DNAJA4: variants seen among roughly 807,000 people sequenced by gnomAD.
DNAJA4 encodes the protein DnaJ heat shock protein family (Hsp40) member A4.
Under a neutral mutation model 39.7 loss-of-function variants are expected in DNAJA4, and 32 were observed. The observed-to-expected ratio is 0.81, with a 90% CI of 0.61 to 1.08. The LOEUF (loss-of-function observed/expected upper bound fraction) is 1.08, where lower values mean the gene tolerates loss of function less well. Ranked by LOEUF, DNAJA4 falls within the 50% of genes least tolerant of loss-of-function variation. DNAJA4 has a pLI of 0.00. For missense variants in DNAJA4, 439 were observed against 505.1 expected (o/e 0.87, Z 1.25); for synonymous variants, 184 against 182.4 (o/e 1.01, Z -0.07).
chr15:78,277,290 C>T (rs2049494338), intron 5 of DNAJA4, among the ~76,000 whole-genome samples: 1 of 152,166 alleles, frequency 6.6e-6, no homozygotes, highest in Non-Finnish European at 1.5e-5. Flanking sequence ...TCCCGAGTAG[C>T]TGGGACAGCC....
chr15:78,276,014 C>T (rs2049446600), intron 5 of DNAJA4, among the ~76,000 whole-genome samples: 1 of 152,192 alleles, frequency 6.6e-6, no homozygotes, highest in Non-Finnish European at 1.5e-5. Context: ...AAATTTAAAA[C>T]TGTCCCTAAT....
intron 5 of DNAJA4, chr15:78,278,175 G>C (rs990716258): frequency 2.2e-6 from 1 of 455,994 alleles, no homozygotes; most frequent in South Asian, 1.5e-5. Context: ...TTTACCTGCC[G>C]GGAGAGCCTA....
chr15:78,271,642 CT>C (rs1190506719), intron 2 of DNAJA4, among the ~76,000 whole-genome samples: 1 of 152,248 alleles, frequency 6.6e-6, no homozygotes. Context: ...CCCCAGGCCA[CT>C]GTTTTGACTT....
rs2049666244 is a variant in DNAJA4, at chr15:78,281,777, A to T, written c.*1317A>T. On this transcript the variant is annotated 3_prime_UTR_variant, in exon 7 of 7. Coordinates refer to ENST00000394852, the MANE Select transcript of DNAJA4 (RefSeq NM_001130182.2). ...CATGGCACCTGAGAGTTTCACTCAG[A>T]CCAGGGATCTTCCTTAGGAGGGTCA... 1.3e-5 allele frequency: 2 copies of T among 152,212 alleles called. No individual in the cohort carries two copies. Among genetic ancestry groups the T allele is most frequent in the Non-Finnish European group, 2.9e-5 (2 of 68,040 alleles). 9.4% of individuals were successfully genotyped at this position (152,212 alleles called of 1,614,324 possible). A position where few individuals can be genotyped will look rare whatever the true frequency, so the allele number is the denominator to read the frequency against.
Position 78,281,472 on chromosome 15 carries a change from A to G in DNAJA4, c.*1012A>G, listed in dbSNP as rs1261410325. ...ATCGTTCCTCTCATTGCACAGCCAT[A>G]TTACAAAGGGTTTCCTGCTCAAGTG... On this transcript the variant is annotated 3_prime_UTR_variant, in exon 7 of 7. Coordinates refer to ENST00000394852, the MANE Select transcript of DNAJA4 (RefSeq NM_001130182.2). 3.9e-5 allele frequency: 6 copies of G among 152,194 alleles called. No homozygotes were observed. Among genetic ancestry groups the G allele is most frequent in the African/African-American group, 1.4e-4 (6 of 41,452 alleles). 9.4% of individuals were successfully genotyped at this position (152,194 alleles called of 1,614,324 possible).
chr15:78,266,311 T>G, intron 1 of DNAJA4: 1 of 1,609,770 alleles, frequency 6.2e-7, no homozygotes, highest in Non-Finnish European at 8.5e-7. Context: ...CATGCCTCTG[T>G]GTATACAGTT....
At chr15:78,267,704 A>T (rs949743712) in intron 1 of DNAJA4, among the ~76,000 whole-genome samples, 16 of 152,334 alleles carry the variant, frequency 1.1e-4, no homozygotes, top group African/African-American at 3.6e-4. Flanking sequence ...AGGGAAACCT[A>T]CCAAGTACAC....
intron 5 of DNAJA4, 103 bp downstream of exon 5, chr15:78,275,831 T>C (rs1017953458): frequency 1.3e-6 from 1 of 787,642 alleles, no homozygotes; most frequent in African/African-American, 1.7e-5. Flanking sequence ...TTTTACATAT[T>C]GATGGGGTGC....
intron 1 of DNAJA4, among the ~76,000 whole-genome samples, chr15:78,265,291 C>A (rs1327442664): frequency 6.6e-6 from 1 of 152,180 alleles, no homozygotes; most frequent in Non-Finnish European, 1.5e-5. Flanking sequence ...TGTTTACTTG[C>A]TGGGAACGAC....
chr15:78,274,159 G>A (rs747457644), intron 3 of DNAJA4, 38 bp from the exon 4 acceptor site: 1 of 1,589,452 alleles, frequency 6.3e-7, no homozygotes, highest in African/African-American at 1.3e-5. Flanking sequence ...GGTAAGGGAA[G>A]AGCATGGCCC....
At position 78,279,847 on chromosome 15, in the gene DNAJA4, GTC is replaced by G; in HGVS notation, c.878-195_878-194del. On this transcript the variant is annotated intron_variant, in intron 5 of 6. Coordinates refer to ENST00000394852, the MANE Select transcript of DNAJA4 (RefSeq NM_001130182.2). This position sits in a 1 kb window ranked among gnomAD's most constrained non-coding sequence, Gnocchi z 4.5. ...GCTGGAGCCCAGAGCACAGGCCAGA[GTC>G]TCAGCCTGAGCCCCTTCCCCAGGCA... The G allele has an allele frequency of 1.7e-6, 1 of 605,108 alleles. No individual in the cohort carries two copies. The allele number at this position is 605,108 out of a possible 1,614,324, so 37.5% of individuals were successfully genotyped here.
intron 3 of DNAJA4, among the ~76,000 whole-genome samples, 165 bp from the exon 4 acceptor site, chr15:78,274,032 G>C (rs2049374914): frequency 1.3e-5 from 2 of 152,196 alleles, no homozygotes; most frequent in South Asian, 4.1e-4. Flanking sequence ...TTGTCTGCTT[G>C]GCTGGACTCC....
chr15:78,265,840 T>G (rs982385602), intron 1 of DNAJA4: 1 of 608,626 alleles, frequency 1.6e-6, no homozygotes, highest in African/African-American at 1.8e-5. Flanking sequence ...GGGCCACGTT[T>G]GAAACCACAC....
At chr15:78,275,880 C>T (rs765663586) in intron 5 of DNAJA4, 152 bp downstream of exon 5, 9 of 618,376 alleles carry the variant, frequency 1.5e-5, no homozygotes, top group Non-Finnish European at 2.5e-5. Flanking sequence ...GGGTAATGAT[C>T]AAGCCACGTG....
chr15:78,264,238 GGGGGCGGCCTC>G (rs200375873), upstream of DNAJA4: 125,311 of 1,116,828 alleles, frequency 0.11, 6,890 homozygotes, highest in East Asian at 0.14. Context: ...GGAAGGGCAA[GGGGGCGGCCTC>G]GGGGCGGCGG....
Position 78,270,524 on chromosome 15 carries a change from G to GTGC in DNAJA4, c.162_164dup (p.Leu55dup). The stretch of plus-strand genomic sequence containing the variant: ...TAAACTCATATCCCAGGCATATGAA[G>GTGC]TGCTTTCAGATCCAAAGAAAAGGGA... On this transcript the variant is annotated inframe_insertion, in exon 2 of 7. Coordinates refer to ENST00000394852, the MANE Select transcript of DNAJA4 (RefSeq NM_001130182.2). The GTGC allele has an allele frequency of 1.2e-6, 2 of 1,614,066 alleles. No individual in the cohort carries two copies. The highest frequency in any genetic ancestry group is 1.7e-6 in the Non-Finnish European group (2 of 1,179,992).
rs908766965 is a variant in DNAJA4 at position 78,265,437 on chromosome 15, A to T, written c.132+542A>T. 4 of 701,130 alleles carry T rather than the reference A, an allele frequency of 5.7e-6. No homozygotes were observed. In the African/African-American group the frequency reaches 7.0e-5, roughly 12 times the overall value. The allele number at this position is 701,130 out of a possible 1,614,324, so 43.4% of individuals were successfully genotyped here. A position where few individuals can be genotyped will look rare whatever the true frequency, so the allele number is the denominator to read the frequency against. Reference sequence around the variant, plus strand: ...TCTGTGCACCTACTGCCTACCTGATAAAAGCGTCAGATAGTGAATAATCCC... The same window carrying T: ...TCTGTGCACCTACTGCCTACCTGATTAAAGCGTCAGATAGTGAATAATCCC... On this transcript the variant is annotated intron_variant, in intron 1 of 6. Coordinates refer to ENST00000394852, the MANE Select transcript of DNAJA4 (RefSeq NM_001130182.2).
At chr15:78,270,893 CAAAAA>C (rs1373265353) in intron 2 of DNAJA4, among the ~76,000 whole-genome samples, 3 of 151,336 alleles carry the variant, frequency 2.0e-5, no homozygotes, top group Non-Finnish European at 4.4e-5. Flanking sequence ...CTCCCCATCT[CAAAAA>C]AAATAAAAAT....
rs771708077 is a variant in DNAJA4, at chr15:78,274,214, G to A, written c.436G>A (p.Gly146Arg). 2 of 1,613,948 alleles carry A rather than the reference G, an allele frequency of 1.2e-6. No individual in the cohort carries two copies. Among genetic ancestry groups the A allele is most frequent in the East Asian group, 4.5e-5 (2 of 44,868 alleles). Reference sequence around the variant, plus strand: ...CCCTGCAGGTGTTGGTGGGAAGAAGGGATCGGTGGAGAAGTGCCCGCTGTG... The same window carrying A: ...CCCTGCAGGTGTTGGTGGGAAGAAGAGATCGGTGGAGAAGTGCCCGCTGTG... ...EKCEGVGGKK[G>R]SVEKCPLCKG... is the part of the protein sequence containing the mutation. The change falls in exon 4 of 7, where the codon GGA (glycine) becomes AGA (arginine). Residue 146 changes from glycine (G) to arginine (R), a missense_variant. Coordinates refer to ENST00000394852, the MANE Select transcript of DNAJA4 (RefSeq NM_001130182.2).
Sources: allele counts gnomAD v4.1 joint callset (sites outside exome capture counted in the v4.1 genomes callset), GRCh38; gene constraint gnomAD v4.1.1; non-coding constraint Gnocchi (gnomAD v3.1); transcripts MANE v1.5; gene names NCBI Gene and HGNC (gene_info 2026-07-23, HGNC 2026-07-21).